Variants in CRACD observed in about 807,000 individuals in gnomAD.
CRACD encodes capping protein-inhibiting regulator of actin dynamics.
CRACD carries 56 observed loss-of-function variants against 106.8 expected under a neutral mutation model. That is an observed-to-expected ratio of 0.52 (90% confidence interval 0.42 to 0.66). CRACD has a LOEUF of 0.66. Among genes scored for constraint, CRACD ranks in the 30% least tolerant of loss-of-function variants. CRACD has a pLI of 0.00. For synonymous variants in CRACD, 754 were observed against 670.8 expected (o/e 1.12, Z -1.92); for missense variants, 1,730 against 1,623.2 (o/e 1.07, Z -1.13).
In CRACD at chr4:56,286,525, C is replaced by CAAAAAAAAAAAAAAAAAAAAAA. The variant is rs61498428; in HGVS notation, c.-16-11688_-16-11667dup. On this transcript the variant is annotated intron_variant, in intron 3 of 10. Transcript: ENST00000682029. ...TGGGCGACAGAGCGAGACTCCGTCT[C>CAAAAAAAAAAAAAAAAAAAAAA]AAAAAAAAAAAAAAAAAAAAAAGAT... Among the ~76,000 whole-genome samples the CAAAAAAAAAAAAAAAAAAAAAA allele has an allele frequency of 3.5e-4, 31 of 89,370 alleles. 1 individual carries two copies. The highest frequency in any genetic ancestry group is 6.8e-4 in the African/African-American group (17 of 24,848). 58.6% of individuals were successfully genotyped at this position (89,370 alleles called of 152,430 possible).
At chr4:56,119,458 G>C (rs150606103) in intron 1 of CRACD, among the ~76,000 whole-genome samples, 100 of 151,866 alleles carry the variant, frequency 6.6e-4, no homozygotes, top group African/African-American at 2.4e-3. Flanking sequence ...AGACTCCCAA[G>C]TAGCTGGGAC....
At chr4:56,094,012 T>C (rs1290817715) in intron 1 of CRACD, among the ~76,000 whole-genome samples, 1 of 152,196 alleles carries the variant, frequency 6.6e-6, no homozygotes, top group Non-Finnish European at 1.5e-5. Context: ...TGGGTTCTTG[T>C]TAGATAGTCA....
intron 2 of CRACD, among the ~76,000 whole-genome samples, chr4:56,265,410 G>A (rs1317087488): frequency 2.2e-5 from 3 of 138,052 alleles, no homozygotes; most frequent in African/African-American, 8.7e-5. Context: ...AGGGGTGTGT[G>A]TGTGTGTGTG....
chr4:56,052,855 T>G (rs929213480), intron 1 of CRACD, among the ~76,000 whole-genome samples: 39 of 152,354 alleles, frequency 2.6e-4, no homozygotes, highest in African/African-American at 8.7e-4. Context: ...GATGTTTCAT[T>G]TCTTCCTTAA....
chr4:56,071,082 C>A (rs1732633034), intron 1 of CRACD, among the ~76,000 whole-genome samples: 1 of 152,112 alleles, frequency 6.6e-6, no homozygotes, highest in Non-Finnish European at 1.5e-5. Context: ...AAAGTTGGAT[C>A]CTCCTCATGT....
chr4:56,271,982 G>T (rs1357988882), intron 2 of CRACD, among the ~76,000 whole-genome samples: 2 of 152,158 alleles, frequency 1.3e-5, no homozygotes, highest in African/African-American at 4.8e-5. Flanking sequence ...GGGCTCAAAT[G>T]CTCCTCCCAC....
chr4:56,061,316 G>A (rs1419022564), intron 1 of CRACD, among the ~76,000 whole-genome samples: 3 of 152,076 alleles, frequency 2.0e-5, no homozygotes, highest in African/African-American at 7.2e-5. Context: ...GACTATAGGC[G>A]CTCACCACCA....
chr4:56,215,987 C>T (rs566398857), intron 2 of CRACD: 2 of 152,230 alleles, frequency 1.3e-5, no homozygotes, highest in Non-Finnish European at 2.9e-5. Flanking sequence ...CCTGATTTTG[C>T]TTTCCTTGTT....
intron 1 of CRACD, among the ~76,000 whole-genome samples, chr4:56,134,928 A>G (rs1365904588): frequency 2.7e-5 from 4 of 150,596 alleles, no homozygotes; most frequent in Non-Finnish European, 4.4e-5. Context: ...GAACAGATTG[A>G]TACTGGCTTT....
chr4:56,162,723 G>A (rs956039725), intron 1 of CRACD, among the ~76,000 whole-genome samples: 1 of 152,146 alleles, frequency 6.6e-6, no homozygotes, highest in African/African-American at 2.4e-5. Flanking sequence ...TCACAGTGGG[G>A]GACAGCAGAG....
At chr4:56,218,199 G>A (rs1051585699) in intron 2 of CRACD, among the ~76,000 whole-genome samples, 3 of 152,114 alleles carry the variant, frequency 2.0e-5, no homozygotes, top group African/African-American at 7.2e-5. Flanking sequence ...TAGGGGTGAG[G>A]ACTTCAAGAT....
intron 2 of CRACD, among the ~76,000 whole-genome samples, chr4:56,199,385 A>G (rs576609240): frequency 6.6e-6 from 1 of 152,240 alleles, no homozygotes; most frequent in East Asian, 1.9e-4. Flanking sequence ...TGTGAGTAAC[A>G]GACTTAAAGA....
rs1401971617 is a variant in CRACD, at chr4:56,314,647, C to A, written c.1145C>A (p.Pro382Gln). The change falls in exon 8 of 11, where the codon CCG (proline) becomes CAG (glutamine). Residue 382 changes from proline to glutamine, a missense_variant. Physicochemically the swap from Pro to Gln is moderately conservative, Grantham distance 76. This residue lies in a region of CRACD where 1,620 missense variants were observed against 1,481.6 expected (regional missense o/e 1.09). Coordinates refer to ENST00000682029, the MANE Select transcript of CRACD (RefSeq NM_001393381.1). This position sits in a 1 kb window ranked among gnomAD's most constrained non-coding sequence, Gnocchi z 4.4. ...LEQQEAEVQG[P>Q]PEALEETGEG... ...CAGCAGGAGGCGGAGGTGCAGGGGC[C>A]GCCCGAGGCGTTGGAGGAGACTGGG... 1 of 1,542,988 alleles carries A rather than the reference C, an allele frequency of 6.5e-7. No individual in the cohort carries two copies. Among genetic ancestry groups the A allele is most frequent in the Non-Finnish European group, 8.7e-7 (1 of 1,143,058 alleles).
chr4:56,175,053 C>G (rs193200598), intron 1 of CRACD, among the ~76,000 whole-genome samples: 3 of 152,290 alleles, frequency 2.0e-5, no homozygotes, highest in Admixed American at 6.5e-5. Context: ...GATCCAGTCA[C>G]CTCTCACCAG....
chr4:56,050,883 T>G (rs1449741747), intron 1 of CRACD, among the ~76,000 whole-genome samples: 1 of 152,208 alleles, frequency 6.6e-6, no homozygotes, highest in Non-Finnish European at 1.5e-5. Flanking sequence ...GACTTAGCAG[T>G]ACTTACCGAC....
chr4:56,329,665 T>C lies in CRACD; in HGVS notation c.*1861T>C, dbSNP rs1261197482. On this transcript the variant is annotated 3_prime_UTR_variant, in exon 11 of 11. Coordinates refer to ENST00000682029, the MANE Select transcript of CRACD (RefSeq NM_001393381.1). ...TACTAATGTTCATTTCTAAATCTTA[T>C]ATGTAGGCATTTGTTAGTTCCAATG... Among the ~76,000 whole-genome samples, 2 of 152,256 alleles carry C rather than the reference T, an allele frequency of 1.3e-5. No individual in the cohort carries two copies. Among genetic ancestry groups the C allele is most frequent in the Non-Finnish European group, 2.9e-5 (2 of 68,038 alleles).
intron 1 of CRACD, among the ~76,000 whole-genome samples, chr4:56,120,083 A>C (rs557456567): frequency 2.0e-5 from 3 of 152,360 alleles, no homozygotes; most frequent in Admixed American, 2.0e-4. Context: ...CAAAATGATC[A>C]GACTGCTTGG....
rs369421891 is a variant in CRACD at position 56,172,146 on chromosome 4, A to G, written c.-335-7138A>G. 4.0e-5 allele frequency among the ~76,000 whole-genome samples: 6 copies of G among 151,416 alleles called. 1 individual carries two copies. Among genetic ancestry groups the G allele is most frequent in the African/African-American group, 1.5e-4 (6 of 41,276 alleles). On this transcript the variant is annotated intron_variant, in intron 1 of 10. Transcript: ENST00000682029. The stretch of plus-strand genomic sequence containing the variant: ...CTGTTAGTTGGGGAGTCGCAGAGGA[A>G]TAAAAGGAAGATAGTATCACTATTT...
chr4:56,248,682 G>A lies in CRACD; in HGVS notation c.-188-23639G>A, dbSNP rs572844894. 1.0e-3 allele frequency among the ~76,000 whole-genome samples: 144 copies of A among 138,976 alleles called. 2 individuals carry two copies. The highest frequency in any genetic ancestry group is 3.3e-3 in the African/African-American group (122 of 36,920). The allele number at this position is 138,976 out of a possible 152,430, so 91.2% of individuals were successfully genotyped here. On this transcript the variant is annotated intron_variant, in intron 2 of 10. Coordinates refer to ENST00000682029, the MANE Select transcript of CRACD (RefSeq NM_001393381.1). ...GCTGGTGCGCTGCACCCACTAACTC[G>A]TCATCTAGCATTAGGTATATCTCCC... is the stretch of plus-strand genomic sequence containing the variant.
Sources: gnomAD v4.1 joint callset for allele counts (sites outside exome capture counted in the v4.1 genomes callset) on GRCh38, gnomAD v4.1.1 for gene constraint, gnomAD v4.1.1 regional missense constraint, Gnocchi (gnomAD v3.1) non-coding constraint, MANE v1.5 for transcripts, NCBI Gene and HGNC (gene_info 2026-07-23, HGNC 2026-07-21) for gene names.